Variants in ARHGAP10 observed in about 807,000 individuals in gnomAD.
The protein encoded by ARHGAP10 is rho GTPase-activating protein 10.
Under a neutral mutation model 108.6 loss-of-function variants are expected in ARHGAP10, and 87 were observed. That is an observed-to-expected ratio of 0.80 (90% CI 0.67 to 0.96). The LOEUF (loss-of-function observed/expected upper bound fraction) is 0.96, where lower values mean the gene tolerates loss of function less well. Among genes scored for constraint, ARHGAP10 ranks in the 40% least tolerant of loss-of-function variants. The pLI is 0.00. For synonymous variants in ARHGAP10, 347 were observed against 341.1 expected, an observed-to-expected ratio of 1.02 and a Z score of -0.19; for missense variants, 939 against 954.5, an observed-to-expected ratio of 0.98 and a Z score of 0.21.
intron 1 of ARHGAP10, among the ~76,000 whole-genome samples, chr4:147,738,205 G>T (rs1360631532): frequency 6.6e-6 from 1 of 152,142 alleles, no homozygotes; most frequent in East Asian, 1.9e-4. Context: ...GCTAACAGGG[G>T]ATCCTTGCTC....
chr4:147,850,962 C>T (rs1010468218), intron 4 of ARHGAP10, among the ~76,000 whole-genome samples: 42 of 152,090 alleles, frequency 2.8e-4, no homozygotes, highest in African/African-American at 7.2e-4. Flanking sequence ...AATACCAGAA[C>T]GTGATAAGAG....
intron 22 of ARHGAP10, among the ~76,000 whole-genome samples, chr4:148,067,281 G>C (rs1471797392): frequency 6.6e-6 from 1 of 152,244 alleles, no homozygotes; most frequent in Non-Finnish European, 1.5e-5. Flanking sequence ...CCCTTAAGCA[G>C]GGTTTATCTG....
intron 7 of ARHGAP10, among the ~76,000 whole-genome samples, chr4:147,870,136 C>T (rs917645245): frequency 3.9e-5 from 6 of 151,956 alleles, no homozygotes; most frequent in Admixed American, 6.6e-5. Flanking sequence ...CTGCAAGCTC[C>T]GCCTCCCGGG....
At chr4:147,929,859 A>G (rs1379551448) in intron 13 of ARHGAP10, among the ~76,000 whole-genome samples, 1 of 152,198 alleles carries the variant, frequency 6.6e-6, no homozygotes, top group Non-Finnish European at 1.5e-5. Flanking sequence ...GCATAAAAGC[A>G]TGTTTGTTTG....
chr4:147,929,421 T>C (rs1364172736), intron 13 of ARHGAP10, among the ~76,000 whole-genome samples: 12 of 152,226 alleles, frequency 7.9e-5, no homozygotes, highest in South Asian at 2.1e-4. Context: ...CAGAATGTTA[T>C]AATGTTATGA....
intron 9 of ARHGAP10, among the ~76,000 whole-genome samples, chr4:147,880,523 T>C (rs1735279458): frequency 6.6e-6 from 1 of 152,178 alleles, no homozygotes; most frequent in African/African-American, 2.4e-5. Context: ...TGTTTTAGCC[T>C]CCAAATAATA....
intron 7 of ARHGAP10, among the ~76,000 whole-genome samples, chr4:147,869,584 A>G (rs1734715138): frequency 8.4e-6 from 1 of 119,286 alleles, no homozygotes; most frequent in African/African-American, 3.7e-5. Flanking sequence ...AGTTTATTGA[A>G]AAAAAAAAAG....
chr4:147,762,959 G>T (rs1560744585), intron 1 of ARHGAP10, among the ~76,000 whole-genome samples: 1 of 152,090 alleles, frequency 6.6e-6, no homozygotes, highest in African/African-American at 2.4e-5. Context: ...GATAACAAAA[G>T]ACTTTTATGG....
chr4:147,860,000 G>A (rs1039197848), intron 5 of ARHGAP10, among the ~76,000 whole-genome samples: 2 of 152,162 alleles, frequency 1.3e-5, no homozygotes, highest in African/African-American at 4.8e-5. Context: ...GTTAGGTTTG[G>A]ATATTCATTA....
intron 13 of ARHGAP10, chr4:147,916,564 G>A (rs1326250929): frequency 6.6e-6 from 1 of 152,204 alleles, no homozygotes; most frequent in African/African-American, 2.4e-5. Flanking sequence ...TGGAGAACTG[G>A]CAGTGCCCAG....
At chr4:147,922,723 C>T (rs999686778) in intron 13 of ARHGAP10, among the ~76,000 whole-genome samples, 3 of 151,864 alleles carry the variant, frequency 2.0e-5, no homozygotes, top group Non-Finnish European at 2.9e-5. Flanking sequence ...ATTCATACTA[C>T]CTCCCACCCA....
At chr4:147,880,863 G>A (rs1432725792) in intron 9 of ARHGAP10, among the ~76,000 whole-genome samples, 1 of 151,534 alleles carries the variant, frequency 6.6e-6, no homozygotes, top group African/African-American at 2.4e-5. Flanking sequence ...GCCAAAAATA[G>A]TCACATATTT....
At chr4:148,041,862 A>G (rs998469462) in intron 19 of ARHGAP10, among the ~76,000 whole-genome samples, 1 of 152,274 alleles carries the variant, frequency 6.6e-6, no homozygotes, top group Admixed American at 6.5e-5. Flanking sequence ...AAACAACAAC[A>G]ATATTGCTTT....
At chr4:147,873,888 A>G (rs7697567) in intron 7 of ARHGAP10, among the ~76,000 whole-genome samples, 114,986 of 148,316 alleles carry the variant, frequency 0.78, 49,241 homozygotes, top group Non-Finnish European at 0.96. Flanking sequence ...AAAAAAAAAA[A>G]AGGGGGGATA....
At chr4:148,017,664 A>G (rs1560876875) in intron 18 of ARHGAP10, among the ~76,000 whole-genome samples, 1 of 126,664 alleles carries the variant, frequency 7.9e-6, no homozygotes, top group Non-Finnish European at 1.6e-5. Flanking sequence ...ATATATATAT[A>G]TATATATATA....
chr4:148,036,500 G>A (rs1377718733), intron 19 of ARHGAP10, among the ~76,000 whole-genome samples: 4 of 152,166 alleles, frequency 2.6e-5, no homozygotes, highest in Admixed American at 2.0e-4. Context: ...GAGATCTGAT[G>A]GTTTTATAAG....
chr4:147,992,966 C>T (rs1005689116), intron 18 of ARHGAP10, among the ~76,000 whole-genome samples: 34 of 152,190 alleles, frequency 2.2e-4, no homozygotes, highest in Non-Finnish European at 1.9e-4. Flanking sequence ...GAAGAAGGCA[C>T]CTCTGTCTTT....
At chr4:147,978,500 T>C (rs1467076657) in intron 18 of ARHGAP10, among the ~76,000 whole-genome samples, 3 of 152,212 alleles carry the variant, frequency 2.0e-5, no homozygotes, top group Non-Finnish European at 4.4e-5. Flanking sequence ...TTCCCCATGC[T>C]GTTCCTGTGA....
intron 18 of ARHGAP10, among the ~76,000 whole-genome samples, chr4:148,008,268 C>T (rs1741027083): frequency 6.6e-6 from 1 of 152,166 alleles, no homozygotes; most frequent in African/African-American, 2.4e-5. Flanking sequence ...ACTTCTTGCT[C>T]AGGAAATTAA....
Sources: allele counts gnomAD v4.1 joint callset (sites outside exome capture counted in the v4.1 genomes callset), GRCh38; gene constraint gnomAD v4.1.1; transcripts MANE v1.5; gene names NCBI Gene and HGNC (gene_info 2026-07-23, HGNC 2026-07-21).